Variants in RAD51B observed in about 807,000 individuals in gnomAD.
RAD51B encodes the protein RAD51 paralog B, also known as DNA repair protein RAD51 homolog 2.
In RAD51B, 38 loss-of-function variants were observed where a neutral mutation model predicts 42.2. The observed-to-expected ratio is 0.90, with a 90% confidence interval of 0.70 to 1.18. RAD51B has a LOEUF of 1.18. Among genes scored for constraint, RAD51B ranks in the 50% most tolerant of loss-of-function variants. RAD51B has a pLI of 0.00. For synonymous variants in RAD51B, 154 were observed against 145.2 expected, an observed-to-expected ratio of 1.06 and a Z score of -0.43; for missense variants, 373 against 400.7, an observed-to-expected ratio of 0.93 and a Z score of 0.59.
At chr14:68,161,198 A>G (rs983142711) in intron 7 of RAD51B, among the ~76,000 whole-genome samples, 2 of 152,322 alleles carry the variant, frequency 1.3e-5, no homozygotes, top group Middle Eastern at 3.4e-3. Flanking sequence ...TTCACTAGCT[A>G]ACACAATTGA....
intron 7 of RAD51B, among the ~76,000 whole-genome samples, chr14:68,217,230 C>G (rs1032370675): frequency 3.3e-5 from 5 of 152,318 alleles, no homozygotes; most frequent in African/African-American, 1.2e-4. Context: ...TGTCCTCTTT[C>G]TTGTTCCCCA....
intron 7 of RAD51B, among the ~76,000 whole-genome samples, chr14:68,042,658 C>T (rs1473837391): frequency 6.6e-6 from 1 of 152,086 alleles, no homozygotes; most frequent in African/African-American, 2.4e-5. Flanking sequence ...GAGCGTCCCT[C>T]TTAGAGCATA....
At chr14:68,192,317 G>A (rs1477513060) in intron 7 of RAD51B, among the ~76,000 whole-genome samples, 2 of 152,162 alleles carry the variant, frequency 1.3e-5, no homozygotes, top group Non-Finnish European at 2.9e-5. Flanking sequence ...CCTTTCATGA[G>A]GTCTTCTCTT....
intron 7 of RAD51B, among the ~76,000 whole-genome samples, chr14:68,002,071 A>G (rs2140312410): frequency 6.6e-6 from 1 of 152,248 alleles, no homozygotes; most frequent in South Asian, 2.1e-4. Flanking sequence ...CAGTAATGGG[A>G]TTGCTGGGTC....
chr14:68,105,640 G>A (rs543977923), intron 7 of RAD51B, among the ~76,000 whole-genome samples: 1 of 151,914 alleles, frequency 6.6e-6, no homozygotes, highest in African/African-American at 2.4e-5. Flanking sequence ...TCAAATTATT[G>A]TAAAATCTAT....
intron 7 of RAD51B, among the ~76,000 whole-genome samples, chr14:68,138,810 C>T (rs1295640787): frequency 1.3e-5 from 2 of 152,122 alleles, no homozygotes; most frequent in African/African-American, 4.8e-5. Context: ...TAGCTTAACT[C>T]AGTAGTTGAA....
chr14:68,609,810 T>C (rs917191316), intron 10 of RAD51B, among the ~76,000 whole-genome samples: 6 of 152,146 alleles, frequency 3.9e-5, no homozygotes, highest in African/African-American at 1.4e-4. Flanking sequence ...CCATTCTCAG[T>C]GGCCCAGGAG....
chr14:68,619,104 C>A (rs1284067510), intron 10 of RAD51B, among the ~76,000 whole-genome samples: 4 of 152,210 alleles, frequency 2.6e-5, no homozygotes, highest in African/African-American at 9.7e-5. Flanking sequence ...TCTTTTCCCT[C>A]CTGACACATG....
intron 11 of RAD51B, chr14:68,682,873 G>A (rs1449880231): frequency 2.4e-6 from 2 of 821,632 alleles, no homozygotes; most frequent in Non-Finnish European, 2.9e-6. Flanking sequence ...TATCTCACAA[G>A]GCTTTTTTTT....
At chr14:68,575,878 C>A (rs1236068285) in intron 10 of RAD51B, among the ~76,000 whole-genome samples, 1 of 152,198 alleles carries the variant, frequency 6.6e-6, no homozygotes, top group Admixed American at 6.5e-5. Flanking sequence ...AAACAGAGTT[C>A]TTTTCAAAAG....
At chr14:68,480,764 C>T (rs530502093), downstream of RAD51B, among the ~76,000 whole-genome samples, 2 of 152,288 alleles carry the variant, frequency 1.3e-5, no homozygotes, top group African/African-American at 4.8e-5. Flanking sequence ...CTGTCTCTTT[C>T]CTTGTTTTTC....
At chr14:68,368,249 A>G (rs1033091779) in intron 8 of RAD51B, among the ~76,000 whole-genome samples, 3 of 152,166 alleles carry the variant, frequency 2.0e-5, no homozygotes, top group Admixed American at 6.5e-5. Context: ...TGTTTTACCT[A>G]CATTTTCACA....
At chr14:67,921,706 C>G (rs1316492686) in intron 7 of RAD51B, among the ~76,000 whole-genome samples, 3 of 151,564 alleles carry the variant, frequency 2.0e-5, no homozygotes, top group Non-Finnish European at 4.4e-5. Context: ...TTTGGTATAA[C>G]ATTGATGACT....
chr14:68,224,911 T>C (rs1337458806), intron 7 of RAD51B, among the ~76,000 whole-genome samples: 1 of 152,098 alleles, frequency 6.6e-6, no homozygotes, highest in East Asian at 1.9e-4. Context: ...CAGGCTGGTC[T>C]TGAACTCCTG....
At chr14:67,916,656 T>C (rs1479115471) in intron 7 of RAD51B, among the ~76,000 whole-genome samples, 4 of 152,212 alleles carry the variant, frequency 2.6e-5, no homozygotes, top group Non-Finnish European at 5.9e-5. Context: ...GCAATCTAAG[T>C]TAAATATGTG....
At chr14:67,931,834 G>A (rs11626280) in intron 7 of RAD51B, among the ~76,000 whole-genome samples, 41,868 of 152,046 alleles carry the variant, frequency 0.28, 7,525 homozygotes, top group African/African-American at 0.51. Flanking sequence ...TTATTGGGAT[G>A]TGTTGCTGGA....
intron 8 of RAD51B, among the ~76,000 whole-genome samples, chr14:68,326,197 CA>C (rs2082249953): frequency 6.6e-6 from 1 of 151,706 alleles, no homozygotes; most frequent in Non-Finnish European, 1.5e-5. Flanking sequence ...TGCACCACCA[CA>C]CCCGGCTAAT....
At position 68,374,150 on chromosome 14, in the gene RAD51B, T is replaced by C. The variant is rs539723902; in HGVS notation, c.854-37274T>C. ...TCCCATATAGTCAATCCTGGCACTT[T>C]CCCTCAGCAGATTCTAAGCACCGTT... On this transcript the variant is annotated intron_variant, in intron 8 of 10. Coordinates refer to ENST00000471583, the MANE Select transcript of RAD51B (RefSeq NM_133510.4). Among the ~76,000 whole-genome samples, 12 of 152,356 alleles carry C rather than the reference T, an allele frequency of 7.9e-5. No homozygotes were observed. In the East Asian group the frequency reaches 2.1e-3, roughly 27 times the overall value.
intron 7 of RAD51B, among the ~76,000 whole-genome samples, chr14:68,233,613 C>T (rs2080189422): frequency 6.6e-6 from 1 of 152,132 alleles, no homozygotes; most frequent in East Asian, 1.9e-4. Flanking sequence ...GTGTTTTGTG[C>T]TTAGTGATTG....
Sources: gnomAD v4.1 joint callset for allele counts (sites outside exome capture counted in the v4.1 genomes callset) on GRCh38, gnomAD v4.1.1 for gene constraint, MANE v1.5 for transcripts, NCBI Gene and HGNC (gene_info 2026-07-23, HGNC 2026-07-21) for gene names.